The following BLVRA variants were observed in gnomAD, a reference collection of about 807,000 sequenced individuals.
BLVRA encodes BVR A.
A neutral mutation model predicts 32.8 loss-of-function variants in BLVRA; 22 were observed. The observed-to-expected ratio is 0.67, with a 90% CI of 0.48 to 0.96. The LOEUF (loss-of-function observed/expected upper bound fraction) is 0.96. Among genes scored for constraint, BLVRA ranks in the 40% least tolerant of loss-of-function variants. The pLI is 0.00. For missense variants in BLVRA, 323 were observed against 358.1 expected (o/e 0.90, Z 0.79); for synonymous variants, 119 against 141.3 (o/e 0.84, Z 1.12).
chr7:43,779,861 A>T (rs762657151), intron 2 of BLVRA, among the ~76,000 whole-genome samples: 29 of 151,116 alleles, frequency 1.9e-4, no homozygotes, highest in Non-Finnish European at 3.2e-4. Context: ...ACATATATAT[A>T]TTTTATATTT....
Position 43,804,672 on chromosome 7 carries a change from C to A in BLVRA, c.632+825C>A, listed in dbSNP as rs17239720. ...AGGGTCTGTGTTTCAGCTTTAGCAT[C>A]CCATCACCCTGTCACACTGTTCCCA... On this transcript the variant is annotated intron_variant, in intron 7 of 7. Coordinates refer to ENST00000265523, the MANE Select transcript of BLVRA (RefSeq NM_000712.4). 7.2e-3 allele frequency among the ~76,000 whole-genome samples: 1,093 copies of A among 152,288 alleles called. 10 individuals carry two copies. The highest frequency in any genetic ancestry group is 0.025 in the African/African-American group (1,036 of 41,562).
At chr7:43,770,053 G>A (rs1218463860) in intron 1 of BLVRA, among the ~76,000 whole-genome samples, 2 of 152,186 alleles carry the variant, frequency 1.3e-5, no homozygotes, top group Admixed American at 6.5e-5. Flanking sequence ...TCATCCCTGT[G>A]CTTAACCAAA....
intron 6 of BLVRA, 135 bp downstream of exon 6, chr7:43,800,707 G>T: frequency 1.2e-6 from 1 of 802,152 alleles, no homozygotes. Context: ...AATTTTCCCA[G>T]ATGGGATTTA....
chr7:43,776,376 T>C (rs1056699200), intron 2 of BLVRA, among the ~76,000 whole-genome samples: 21 of 152,260 alleles, frequency 1.4e-4, no homozygotes, highest in African/African-American at 5.1e-4. Flanking sequence ...AACATCTTTA[T>C]TTCTGCCTTC....
chr7:43,806,830 G>C, intron 7 of BLVRA, 147 bp from the exon 8 acceptor site: 1 of 833,420 alleles, frequency 1.2e-6, no homozygotes, highest in Non-Finnish European at 2.0e-6. Context: ...GGTTGACACA[G>C]TCACCCACAG....
At chr7:43,770,742 G>A (rs944732135) in intron 1 of BLVRA, among the ~76,000 whole-genome samples, 1 of 152,082 alleles carries the variant, frequency 6.6e-6, no homozygotes, top group Non-Finnish European at 1.5e-5. Flanking sequence ...AGAAAAAAAA[G>A]TACATATTTC....
Position 43,786,198 on chromosome 7 carries a change from T to C in BLVRA, c.13-1706T>C, listed in dbSNP as rs529057089. 3.8e-4 allele frequency among the ~76,000 whole-genome samples: 58 copies of C among 152,192 alleles called. 1 individual carries two copies. The South Asian group carries it at 0.012, about 31-fold the overall frequency. ...TAAATGTGAAAGGTTGGGGAAAAAATGTATTATGCAACACTGATCAACAGA... is the reference window on the plus strand; with the variant it reads ...TAAATGTGAAAGGTTGGGGAAAAAACGTATTATGCAACACTGATCAACAGA... On this transcript the variant is annotated intron_variant, in intron 2 of 7. Coordinates refer to ENST00000265523, the MANE Select transcript of BLVRA (RefSeq NM_000712.4).
intron 5 of BLVRA, among the ~76,000 whole-genome samples, chr7:43,796,517 G>A (rs2095793053): frequency 1.3e-5 from 2 of 152,120 alleles, no homozygotes; most frequent in Non-Finnish European, 2.9e-5. Flanking sequence ...GCAAAAGAAT[G>A]AAGTTGGACA....
chr7:43,799,390 T>C (rs1423319756), intron 5 of BLVRA, among the ~76,000 whole-genome samples: 2 of 152,246 alleles, frequency 1.3e-5, no homozygotes, highest in Admixed American at 6.5e-5. Flanking sequence ...TTTAGGAAGC[T>C]TTTGGCCTAG....
chr7:43,789,137 T>C (rs2095782276), intron 3 of BLVRA, among the ~76,000 whole-genome samples: 1 of 152,154 alleles, frequency 6.6e-6, no homozygotes, highest in Non-Finnish European at 1.5e-5. Context: ...ACTAATCCTG[T>C]GTAACATCAT....
intron 4 of BLVRA, 134 bp downstream of exon 4, chr7:43,791,502 A>T: frequency 1.1e-6 from 1 of 935,150 alleles, no homozygotes; most frequent in South Asian, 1.4e-5. Flanking sequence ...GTGACCAATC[A>T]CAGAAGTGTC....
chr7:43,761,210 T>C (rs2095741896), intron 1 of BLVRA, among the ~76,000 whole-genome samples: 1 of 152,132 alleles, frequency 6.6e-6, no homozygotes, highest in African/African-American at 2.4e-5. Flanking sequence ...ATGCCCCAAA[T>C]TGATCCACAA....
At chr7:43,790,115 GAGCT>G (rs1563546306) in intron 3 of BLVRA, among the ~76,000 whole-genome samples, 5 of 152,066 alleles carry the variant, frequency 3.3e-5, no homozygotes, top group Non-Finnish European at 4.4e-5. Context: ...AGCTCAGCTG[GAGCT>G]CTGAGCGGGC....
At chr7:43,796,034 G>A (rs543394848) in intron 5 of BLVRA, among the ~76,000 whole-genome samples, 95 of 151,312 alleles carry the variant, frequency 6.3e-4, no homozygotes, top group Admixed American at 1.3e-3. Context: ...AACCCAGGAG[G>A]TGGAGGTTGT....
intron 5 of BLVRA, among the ~76,000 whole-genome samples, chr7:43,795,741 GA>G (rs983615515): frequency 1.3e-5 from 2 of 151,610 alleles, no homozygotes; most frequent in African/African-American, 2.4e-5. Context: ...AAAAGCAATA[GA>G]AAAAAATCAA....
At chr7:43,804,065 G>T (rs1268262278) in intron 7 of BLVRA, among the ~76,000 whole-genome samples, 1 of 152,216 alleles carries the variant, frequency 6.6e-6, no homozygotes, top group Admixed American at 6.5e-5. Flanking sequence ...AATCCCATCT[G>T]CCAGTCAGTA....
chr7:43,792,621 A>G (rs189102511), intron 4 of BLVRA, 94 bp from the exon 5 acceptor site: 20 of 1,224,868 alleles, frequency 1.6e-5, no homozygotes, highest in Non-Finnish European at 2.4e-5. Flanking sequence ...AGAAACTCTC[A>G]TGCCTTTATA....
chr7:43,782,326 A>G (rs1049318212), intron 2 of BLVRA, among the ~76,000 whole-genome samples: 1 of 152,220 alleles, frequency 6.6e-6, no homozygotes, highest in Non-Finnish European at 1.5e-5. Context: ...GGAGAAAGAC[A>G]GAAGAAGGAC....
chr7:43,777,748 C>A (rs1181572), intron 2 of BLVRA, among the ~76,000 whole-genome samples: 1 of 151,992 alleles, frequency 6.6e-6, no homozygotes, highest in African/African-American at 2.4e-5. Flanking sequence ...TTTCTAACTT[C>A]GTTCCATTCT....
Sources: gnomAD v4.1 joint callset for allele counts (sites outside exome capture counted in the v4.1 genomes callset) on GRCh38, gnomAD v4.1.1 for gene constraint, MANE v1.5 for transcripts, NCBI Gene and HGNC (gene_info 2026-07-23, HGNC 2026-07-21) for gene names.